Variants in DPEP2 observed in about 807,000 individuals in gnomAD.
DPEP2 encodes dipeptidase 2.
In DPEP2, 45 loss-of-function variants were observed where a neutral mutation model predicts 51.8. That is an observed-to-expected ratio of 0.87 (90% confidence interval 0.68 to 1.11). The LOEUF is 1.11. DPEP2 is among the 50% of genes most tolerant of loss of function. The probability of loss-of-function intolerance (pLI) is 0.00; values close to 1 mark genes in which losing one functional copy is unlikely to be tolerated. For synonymous variants in DPEP2, 255 were observed against 262.7 expected (o/e 0.97, Z 0.28); for missense variants, 604 against 631.9 (o/e 0.96, Z 0.47).
At chr16:67,998,353 C>G (rs2032820808) in intron 1 of DPEP2, among the ~76,000 whole-genome samples, 1 of 152,180 alleles carries the variant, frequency 6.6e-6, no homozygotes, top group Non-Finnish European at 1.5e-5. Context: ...GGGCTTGGCA[C>G]CCGGGCCAGT....
chr16:67,998,501 CCTCCATGGG>C (rs1243298751), intron 1 of DPEP2, among the ~76,000 whole-genome samples: 5 of 152,216 alleles, frequency 3.3e-5, no homozygotes, highest in African/African-American at 1.2e-4. Context: ...CCTCCCACCC[CCTCCATGGG>C]CTCCTGTGCG....
In DPEP2 at chr16:67,991,278, G is replaced by T; in HGVS notation, c.663-94C>A. 1 of 1,323,880 alleles carries T rather than the reference G, an allele frequency of 7.6e-7. No homozygotes were observed. Among genetic ancestry groups the T allele is most frequent in the Non-Finnish European group, 1.1e-6 (1 of 952,244 alleles). The allele number at this position is 1,323,880 out of a possible 1,614,324, so 82.0% of individuals were successfully genotyped here. On this transcript the variant is annotated intron_variant, in intron 5 of 10. Transcript: ENST00000393847. This position sits in a 1 kb window ranked among gnomAD's most constrained non-coding sequence, Gnocchi z 5.1. Reference sequence around the variant, plus strand: ...CCACCCTCCATCCCTGCACCCCCCTGAAACAAAAACAGGGATCCAAAATGG... The same window carrying T: ...CCACCCTCCATCCCTGCACCCCCCTTAAACAAAAACAGGGATCCAAAATGG...
chr16:67,989,086 A>T (rs982171216), intron 9 of DPEP2, among the ~76,000 whole-genome samples: 18 of 152,174 alleles, frequency 1.2e-4, no homozygotes, highest in African/African-American at 1.2e-4. Context: ...CTGCTCAGGG[A>T]GAGTGAGTCT....
chr16:67,993,513 A>G (rs998486405), intron 1 of DPEP2: 2 of 1,154,262 alleles, frequency 1.7e-6, no homozygotes, highest in Non-Finnish European at 2.1e-6. Flanking sequence ...AGGGCCCTCC[A>G]CCCTCCCTTT....
rs908336594 is a variant in DPEP2, at chr16:67,992,455, C to T, written c.390+55G>A. On this transcript the variant is annotated intron_variant, in intron 3 of 10. Transcript: ENST00000393847. Reference sequence around the variant, plus strand: ...ACTTGTGATCTCTGGGGTCCCCACTCTCCCCATCATCCCCCAGCAGCCATG... The same window carrying T: ...ACTTGTGATCTCTGGGGTCCCCACTTTCCCCATCATCCCCCAGCAGCCATG... The T allele has an allele frequency of 1.8e-5, 28 of 1,571,272 alleles. No homozygotes were observed. In the African/African-American group the frequency reaches 3.5e-4, roughly 20 times the overall value.
chr16:67,998,244 G>C (rs892401346), intron 1 of DPEP2, among the ~76,000 whole-genome samples: 2 of 152,178 alleles, frequency 1.3e-5, no homozygotes, highest in Admixed American at 6.5e-5. Context: ...CCGGGGCTGC[G>C]AGCGGCGCTT....
At chr16:67,994,591 G>T (rs1339604228) in intron 1 of DPEP2, 1 of 985,292 alleles carries the variant, frequency 1.0e-6, no homozygotes, top group Non-Finnish European at 1.2e-6. Flanking sequence ...TCTGAACCTT[G>T]GCACCCCTGG....
intron 1 of DPEP2, chr16:67,993,576 CT>C: frequency 1.9e-6 from 2 of 1,027,484 alleles, no homozygotes; most frequent in Non-Finnish European, 2.3e-6. Context: ...TCTGCTGCCC[CT>C]AGGCTCTCTC....
chr16:67,993,424 C>T, intron 1 of DPEP2, 167 bp from the exon 2 acceptor site: 1 of 1,262,856 alleles, frequency 7.9e-7, no homozygotes, highest in Non-Finnish European at 1.0e-6. Flanking sequence ...GGGCGCCCAG[C>T]CCTCCCGCCG....
Position 67,991,967 on chromosome 16 carries a change from G to T in DPEP2, c.533C>A (p.Thr178Asn). ...ACCGATGAGGCAGGCCAATTTCTGAGTGTCGTTCAGAGCTGGGGGCAGGTA... is the reference window on the plus strand; with the variant it reads ...ACCGATGAGGCAGGCCAATTTCTGATTGTCGTTCAGAGCTGGGGGCAGGTA... ...LVTSAKALND[T>N]QKLACLIGVE... Residue 178 changes from threonine (T) to asparagine (N), a missense_variant, in exon 5 of 11, where the codon ACT becomes AAT. Thr to Asn is a moderately conservative substitution (Grantham distance 65, BLOSUM62 0). Transcript: ENST00000393847. The surrounding 1 kb of genome is among the most constrained non-coding windows in gnomAD (Gnocchi z 5.1). 1 of 1,614,232 alleles carries T rather than the reference G, an allele frequency of 6.2e-7. No homozygotes were observed. Among genetic ancestry groups the T allele is most frequent in the Non-Finnish European group, 8.5e-7 (1 of 1,180,046 alleles).
intron 2 of DPEP2, 143 bp from the exon 3 acceptor site, chr16:67,992,779 G>GA: frequency 6.7e-7 from 1 of 1,491,474 alleles, no homozygotes; most frequent in Non-Finnish European, 9.0e-7. Context: ...CGGGCTAGGA[G>GA]TGCCCACCCA....
chr16:67,993,846 G>T, intron 1 of DPEP2: 2 of 985,468 alleles, frequency 2.0e-6, no homozygotes. Flanking sequence ...GGGCCCCCTG[G>T]CCCTGACCTT....
chr16:67,999,037 G>A (rs933636775), intron 1 of DPEP2, among the ~76,000 whole-genome samples: 1 of 152,172 alleles, frequency 6.6e-6, no homozygotes, highest in Admixed American at 6.5e-5. Context: ...GGCTGCCTGA[G>A]CCCGCAGTGG....
intron 9 of DPEP2, among the ~76,000 whole-genome samples, chr16:67,988,643 A>G (rs2151361713): frequency 6.6e-6 from 1 of 151,168 alleles, no homozygotes; most frequent in East Asian, 2.0e-4. Flanking sequence ...GAAAAGGCCC[A>G]GTGAGGTGGC....
intron 1 of DPEP2, among the ~76,000 whole-genome samples, chr16:67,995,972 AAACAACAAC>A (rs376768981): frequency 3.3e-5 from 5 of 150,914 alleles, no homozygotes; most frequent in African/African-American, 4.9e-5. Context: ...TCCCCCCGCC[AAACAACAAC>A]AACAACAACA....
In DPEP2 at chr16:67,991,789, GATCTCT is replaced by G; in HGVS notation, c.662+43_662+48del. On this transcript the variant is annotated intron_variant, in intron 5 of 10. Transcript: ENST00000393847. The surrounding 1 kb of genome is among the most constrained non-coding windows in gnomAD (Gnocchi z 5.1). ...TCTGGGCCCACAGTGACCTCAGGCAGATCTCTGCCCCTGCCTCAGCGGTCCCACACC... is the reference window on the plus strand; with the variant it reads ...TCTGGGCCCACAGTGACCTCAGGCAGGCCCCTGCCTCAGCGGTCCCACACC... 1 of 1,599,700 alleles carries G rather than the reference GATCTCT, an allele frequency of 6.3e-7. No individual in the cohort carries two copies. The highest frequency in any genetic ancestry group is 8.5e-7 in the Non-Finnish European group (1 of 1,170,932).
chr16:67,993,347 A>G lies in DPEP2; in HGVS notation c.-45-90T>C, dbSNP rs980151547. 24 of 1,304,494 alleles carry G rather than the reference A, an allele frequency of 1.8e-5. No homozygotes were observed. The African/African-American group carries it at 3.5e-4, about 19-fold the overall frequency. 80.8% of individuals were successfully genotyped at this position (1,304,494 alleles called of 1,614,324 possible). ...GGCGGCGTGGCCTCAAGAGGAGGGT[A>G]ACGAAGTCACAGGGCCCCGCGAAGG... On this transcript the variant is annotated intron_variant, in intron 1 of 10. Transcript: ENST00000393847.
chr16:67,990,786 C>G, intron 7 of DPEP2, 35 bp downstream of exon 7: 1 of 1,593,074 alleles, frequency 6.3e-7, no homozygotes, highest in Non-Finnish European at 8.6e-7. Context: ...GTTTGAACCT[C>G]TTGCTTTAGG....
Position 67,987,430 on chromosome 16 carries a change from G to A in DPEP2, c.*76C>T. 1 of 1,529,990 alleles carries A rather than the reference G, an allele frequency of 6.5e-7. No individual in the cohort carries two copies. Among genetic ancestry groups the A allele is most frequent in the South Asian group, 1.3e-5 (1 of 79,664 alleles). 94.8% of individuals were successfully genotyped at this position (1,529,990 alleles called of 1,614,324 possible). On this transcript the variant is annotated 3_prime_UTR_variant, in exon 11 of 11. Transcript: ENST00000393847. ...AAAACATTTATTTCAGGAAATATTT[G>A]TGCCTGCACAACAGGGGAACTTTGT...
Sources: gnomAD v4.1 joint callset for allele counts (sites outside exome capture counted in the v4.1 genomes callset) on GRCh38, gnomAD v4.1.1 for gene constraint, Gnocchi (gnomAD v3.1) non-coding constraint, MANE v1.5 for transcripts, NCBI Gene and HGNC (gene_info 2026-07-23, HGNC 2026-07-21) for gene names.